Variants in AFAP1L1 observed in about 807,000 individuals in gnomAD.
The protein encoded by AFAP1L1 is actin filament associated protein 1 like 1, also known as actin filament-associated protein 1-like 1.
In AFAP1L1, 77 loss-of-function variants were observed where a neutral mutation model predicts 99.8. The ratio of observed to expected loss-of-function variants is 0.77; its 90% confidence interval spans 0.64 to 0.93. AFAP1L1 has a LOEUF of 0.93. Ranked by LOEUF, AFAP1L1 falls within the 40% of genes least tolerant of loss-of-function variation. AFAP1L1 has a pLI of 0.00. For missense variants in AFAP1L1, 893 were observed against 996.8 expected (o/e 0.90, Z 1.40); for synonymous variants, 373 against 395.3 (o/e 0.94, Z 0.67).
At chr5:149,326,974 C>T (rs965129639) in intron 15 of AFAP1L1, among the ~76,000 whole-genome samples, 11 of 152,224 alleles carry the variant, frequency 7.2e-5, no homozygotes, top group African/African-American at 2.4e-4. Context: ...CCCAACAACC[C>T]GGTTGGGGGG....
intron 1 of AFAP1L1, among the ~76,000 whole-genome samples, chr5:149,272,682 G>A (rs1755166102): frequency 6.6e-6 from 1 of 152,196 alleles, no homozygotes; most frequent in Non-Finnish European, 1.5e-5. Context: ...TTCGTAGGGG[G>A]CTAGCGCACA....
rs778430001 is a variant in AFAP1L1, at chr5:149,301,179, G to A, written c.276G>A (p.Glu92=). The A allele has an allele frequency of 5.9e-5, 96 of 1,613,942 alleles. No homozygotes were observed. The East Asian group carries it at 2.1e-3, about 36-fold the overall frequency. The change falls in exon 4 of 19, where the codon GAG becomes GAA. Residue 92 remains glutamate, a synonymous_variant. Coordinates refer to ENST00000296721, the MANE Select transcript of AFAP1L1 (RefSeq NM_152406.4). The stretch of plus-strand genomic sequence containing the variant: ...GGGACATGCCAGAGGATGATGGGGA[G>A]CCCAGCAAAGGAGCCAGCCCTGAGC... ...DLRDMPEDDG[E]PSKGASPELA... is the part of the protein sequence containing the mutation.
intron 15 of AFAP1L1, among the ~76,000 whole-genome samples, chr5:149,323,850 G>A (rs951862437): frequency 2.0e-5 from 3 of 152,130 alleles, no homozygotes; most frequent in African/African-American, 7.2e-5. Context: ...ATTTTAAAAT[G>A]GAAATCTAAA....
rs112718699 is a variant in AFAP1L1 at position 149,310,247 on chromosome 5, A to C, written c.927+112A>C. The C allele has an allele frequency of 6.1e-3, 8,156 of 1,343,136 alleles. 298 individuals are homozygous for C. In the East Asian group the frequency reaches 0.11, roughly 19 times the overall value. 83.2% of individuals were successfully genotyped at this position (1,343,136 alleles called of 1,614,324 possible). A position where few individuals can be genotyped will look rare whatever the true frequency, so the allele number is the denominator to read the frequency against. ...GGAAGAGCCTCTTGCTCAGTGCCTG[A>C]GCCCAAGTGCCCTCTGCGTGGCTAG... On this transcript the variant is annotated intron_variant, in intron 8 of 18. Coordinates refer to ENST00000296721, the MANE Select transcript of AFAP1L1 (RefSeq NM_152406.4).
At chr5:149,294,059 T>A (rs569991914) in intron 1 of AFAP1L1, among the ~76,000 whole-genome samples, 1 of 152,336 alleles carries the variant, frequency 6.6e-6, no homozygotes, top group Non-Finnish European at 1.5e-5. Context: ...GGATAACTAA[T>A]GATATTTTTT....
At chr5:149,316,907 G>A (rs1041255166) in intron 11 of AFAP1L1, among the ~76,000 whole-genome samples, 4 of 152,214 alleles carry the variant, frequency 2.6e-5, no homozygotes, top group Non-Finnish European at 5.9e-5. Flanking sequence ...GCTCACCTCT[G>A]TAATCCCAGC....
In AFAP1L1 at chr5:149,342,377, G is replaced by T. The variant is rs1231025474; in HGVS notation, c.*2347G>T. On this transcript the variant is annotated 3_prime_UTR_variant, in exon 19 of 19. Coordinates refer to ENST00000296721, the MANE Select transcript of AFAP1L1 (RefSeq NM_152406.4). The stretch of plus-strand genomic sequence containing the variant: ...CCCATAGTTCTTATATTTACATGCT[G>T]GTGGAGCCAGCATGTGAATATAAGA... Among the ~76,000 whole-genome samples, 1 of 152,144 alleles carries T rather than the reference G, an allele frequency of 6.6e-6. No individual in the cohort carries two copies. The highest frequency in any genetic ancestry group is 1.5e-5 in the Non-Finnish European group (1 of 68,016).
intron 18 of AFAP1L1, among the ~76,000 whole-genome samples, chr5:149,337,449 G>A (rs373903683): frequency 3.9e-5 from 6 of 152,196 alleles, no homozygotes; most frequent in Admixed American, 3.3e-4. Context: ...CCTATTTAAA[G>A]TAGTGGAAAA....
chr5:149,316,295 C>A lies in AFAP1L1; in HGVS notation c.1259C>A (p.Pro420His). 1 of 1,613,806 alleles carries A rather than the reference C, an allele frequency of 6.2e-7. No homozygotes were observed. The highest frequency in any genetic ancestry group is 8.5e-7 in the Non-Finnish European group (1 of 1,179,918). Residue 420 changes from proline to histidine, a missense_variant, in exon 11 of 19, where the codon CCC becomes CAC. Coordinates refer to ENST00000296721, the MANE Select transcript of AFAP1L1 (RefSeq NM_152406.4). Reference protein sequence around the residue: ...LQTSSTEEEVPCCGYLNVLVN... With the variant: ...LQTSSTEEEVHCCGYLNVLVN... ...ACGTCCTCCACCGAGGAGGAGGTTC[C>A]CTGCTGTGGTGGGTCCAGGGCACGG...
At chr5:149,274,852 T>C (rs2127586763) in intron 1 of AFAP1L1, among the ~76,000 whole-genome samples, 2 of 141,998 alleles carry the variant, frequency 1.4e-5, no homozygotes, top group South Asian at 2.2e-4. Context: ...GCCATTGCAC[T>C]CCAGCCTGGG....
At chr5:149,311,998 C>A in intron 8 of AFAP1L1, 114 bp from the exon 9 acceptor site, 1 of 920,818 alleles carries the variant, frequency 1.1e-6, no homozygotes, top group Non-Finnish European at 1.7e-6. Flanking sequence ...TCCATCTGTT[C>A]CCCACAGTGG....
chr5:149,335,297 G>C (rs1328348188), intron 17 of AFAP1L1, among the ~76,000 whole-genome samples: 1 of 152,092 alleles, frequency 6.6e-6, no homozygotes, highest in Non-Finnish European at 1.5e-5. Flanking sequence ...AGACCAGCCT[G>C]GGCAACTTAG....
intron 1 of AFAP1L1, among the ~76,000 whole-genome samples, chr5:149,299,289 TG>T (rs1490908380): frequency 6.6e-6 from 1 of 152,008 alleles, no homozygotes; most frequent in Non-Finnish European, 1.5e-5. Context: ...TGAGGTAGAG[TG>T]GGGAGACCCG....
intron 1 of AFAP1L1, among the ~76,000 whole-genome samples, chr5:149,289,602 G>A (rs1391831601): frequency 6.6e-6 from 1 of 152,202 alleles, no homozygotes; most frequent in East Asian, 1.9e-4. Context: ...TCTGCCCACT[G>A]TTTGGCCTTC....
chr5:149,306,449 C>A, intron 6 of AFAP1L1, 45 bp downstream of exon 6: 1 of 1,542,758 alleles, frequency 6.5e-7, no homozygotes, highest in Non-Finnish European at 8.8e-7. Context: ...GGCTTCTGCC[C>A]TTGCAAAGAG....
intron 8 of AFAP1L1, 124 bp from the exon 9 acceptor site, chr5:149,311,987 GT>G: frequency 1.2e-6 from 1 of 813,042 alleles, no homozygotes; most frequent in Non-Finnish European, 2.0e-6. Context: ...AGCTGTGTCA[GT>G]CCATCTGTTC....
chr5:149,289,102 C>T (rs1193384830), intron 1 of AFAP1L1, among the ~76,000 whole-genome samples: 1 of 152,192 alleles, frequency 6.6e-6, no homozygotes, highest in African/African-American at 2.4e-5. Context: ...GCTTTCTAAG[C>T]CCCTTCTTAC....
In AFAP1L1 at chr5:149,320,222, C is replaced by T. The variant is rs1052327692; in HGVS notation, c.1626-169C>T. Among the ~76,000 whole-genome samples the T allele has an allele frequency of 1.3e-5, 2 of 152,228 alleles. No individual in the cohort carries two copies. The highest frequency in any genetic ancestry group is 2.4e-5 in the African/African-American group (1 of 41,468). On this transcript the variant is annotated intron_variant, in intron 13 of 18. Coordinates refer to ENST00000296721, the MANE Select transcript of AFAP1L1 (RefSeq NM_152406.4). The surrounding 1 kb of genome is among the most constrained non-coding windows in gnomAD (Gnocchi z 4.0). Reference sequence around the variant, plus strand: ...AGAATCACATTGGTCCTGTCTGTGACGCCCTAACACAGCCCATGACACAAT... The same window carrying T: ...AGAATCACATTGGTCCTGTCTGTGATGCCCTAACACAGCCCATGACACAAT...
intron 1 of AFAP1L1, among the ~76,000 whole-genome samples, chr5:149,294,994 G>A (rs1414343508): frequency 6.6e-6 from 1 of 152,184 alleles, no homozygotes; most frequent in Non-Finnish European, 1.5e-5. Context: ...GGGCGCTGGA[G>A]GATTAGATGA....
Sources: gnomAD v4.1 joint callset for allele counts (sites outside exome capture counted in the v4.1 genomes callset) on GRCh38, gnomAD v4.1.1 for gene constraint, Gnocchi (gnomAD v3.1) non-coding constraint, MANE v1.5 for transcripts, NCBI Gene and HGNC (gene_info 2026-07-23, HGNC 2026-07-21) for gene names.